The following DPP10 variants were observed in gnomAD, a reference collection of about 807,000 sequenced individuals.
DPP10 encodes the protein dipeptidyl peptidase like 10, also known as inactive dipeptidyl peptidase 10.
Under a neutral mutation model 120.9 loss-of-function variants are expected in DPP10, and 33 were observed. That is an observed-to-expected ratio of 0.27 (90% CI 0.21 to 0.37). The LOEUF (loss-of-function observed/expected upper bound fraction) is 0.37, where lower values mean the gene tolerates loss of function less well. Ranked by LOEUF, DPP10 falls within the 10% of genes least tolerant of loss-of-function variation. The pLI, the probability that DPP10 is intolerant of heterozygous loss-of-function variation, is 1.00. For missense variants in DPP10, 816 were observed against 942.8 expected, an observed-to-expected ratio of 0.87 and a Z score of 1.76; for synonymous variants, 337 against 326.1, an observed-to-expected ratio of 1.03 and a Z score of -0.36.
At chr2:115,825,466 T>C (rs1026570727) in intron 21 of DPP10, among the ~76,000 whole-genome samples, 2 of 152,218 alleles carry the variant, frequency 1.3e-5, no homozygotes, top group Admixed American at 6.5e-5. Flanking sequence ...AGTCAGACTG[T>C]ATGCTTTGTC....
At chr2:115,422,072 C>T (rs908614565) in intron 3 of DPP10, among the ~76,000 whole-genome samples, 9 of 151,942 alleles carry the variant, frequency 5.9e-5, no homozygotes, top group Admixed American at 1.3e-4. Context: ...GACTGCTCCA[C>T]GGCAAGCCAC....
chr2:115,203,029 G>T (rs2105306960), intron 1 of DPP10, among the ~76,000 whole-genome samples: 1 of 152,276 alleles, frequency 6.6e-6, no homozygotes, highest in South Asian at 2.1e-4. Flanking sequence ...AGGCATAAAG[G>T]AAATTTCAAT....
chr2:114,932,764 C>G lies in DPP10; in HGVS notation c.61-376475C>G, dbSNP rs143536467. On this transcript the variant is annotated intron_variant, in intron 1 of 25. Transcript: ENST00000410059. ...GTGTATTTAGATGTATACATTTATACATGTGTTCATTTAAGATTAATACAC... is the reference window on the plus strand; with the variant it reads ...GTGTATTTAGATGTATACATTTATAGATGTGTTCATTTAAGATTAATACAC... Among the ~76,000 whole-genome samples the G allele has an allele frequency of 5.5e-3, 830 of 152,240 alleles. 4 individuals are homozygous for G. The highest frequency in any genetic ancestry group is 0.019 in the African/African-American group (777 of 41,544).
At chr2:114,601,793 T>G (rs1692388470) in intron 1 of DPP10, among the ~76,000 whole-genome samples, 1 of 152,088 alleles carries the variant, frequency 6.6e-6, no homozygotes, top group Non-Finnish European at 1.5e-5. Flanking sequence ...GAAGTCATGT[T>G]GATTCTAATG....
At chr2:115,696,649 G>T (rs2091606167) in intron 7 of DPP10, among the ~76,000 whole-genome samples, 1 of 152,160 alleles carries the variant, frequency 6.6e-6, no homozygotes, top group Non-Finnish European at 1.5e-5. Context: ...ACTAGGCAGT[G>T]ATTTGAAGCC....
intron 1 of DPP10, among the ~76,000 whole-genome samples, chr2:114,465,410 A>G (rs1233174076): frequency 6.6e-6 from 1 of 152,110 alleles, no homozygotes; most frequent in Non-Finnish European, 1.5e-5. Context: ...ATGCATTTCT[A>G]TGCCTTTTCG....
chr2:115,593,487 T>A (rs1018040532), intron 5 of DPP10, among the ~76,000 whole-genome samples: 5 of 152,198 alleles, frequency 3.3e-5, no homozygotes, highest in Non-Finnish European at 4.4e-5. Flanking sequence ...GACGTTTAAG[T>A]TGTCTAGCTT....
chr2:115,404,579 C>T (rs1233797831), intron 3 of DPP10, among the ~76,000 whole-genome samples: 1 of 152,110 alleles, frequency 6.6e-6, no homozygotes, highest in Non-Finnish European at 1.5e-5. Context: ...TACCTGTCTT[C>T]ATCTGTTCTG....
chr2:115,608,198 G>A (rs567491492), intron 5 of DPP10, among the ~76,000 whole-genome samples: 2 of 151,984 alleles, frequency 1.3e-5, no homozygotes, highest in African/African-American at 2.4e-5. Flanking sequence ...GAGCAGTCTG[G>A]CCAACATGGT....
At chr2:115,381,591 G>C (rs1046385119) in intron 3 of DPP10, among the ~76,000 whole-genome samples, 11 of 152,176 alleles carry the variant, frequency 7.2e-5, no homozygotes, top group African/African-American at 2.4e-4. Context: ...TTCCATTGCT[G>C]GTGAGGAACT....
intron 1 of DPP10, among the ~76,000 whole-genome samples, chr2:114,594,470 G>A (rs1265847340): frequency 1.4e-5 from 2 of 147,154 alleles, no homozygotes; most frequent in Non-Finnish European, 3.0e-5. Flanking sequence ...ATGTAAAAGG[G>A]AGTTTATTAT....
intron 12 of DPP10, among the ~76,000 whole-genome samples, chr2:115,766,552 TACAA>T (rs1680789739): frequency 6.6e-6 from 1 of 151,906 alleles, no homozygotes; most frequent in South Asian, 2.1e-4. Flanking sequence ...TACATTCATA[TACAA>T]ACAAACGCAT....
chr2:115,206,627 C>T (rs1204072489), intron 1 of DPP10, among the ~76,000 whole-genome samples: 1 of 152,026 alleles, frequency 6.6e-6, no homozygotes, highest in Non-Finnish European at 1.5e-5. Context: ...AAATGAGTAA[C>T]ATGGAAAATT....
intron 1 of DPP10, among the ~76,000 whole-genome samples, chr2:114,787,775 ATCT>A (rs1682887053): frequency 6.6e-6 from 1 of 152,170 alleles, no homozygotes; most frequent in Non-Finnish European, 1.5e-5. Context: ...CTTTGCTGTG[ATCT>A]TCTTTTAGTG....
intron 1 of DPP10, among the ~76,000 whole-genome samples, chr2:115,190,354 A>G (rs931825847): frequency 6.6e-6 from 1 of 151,886 alleles, no homozygotes; most frequent in Non-Finnish European, 1.5e-5. Context: ...TTTTTTTTTA[A>G]TCATGTTGAC....
chr2:114,623,722 A>G (rs1015219612), intron 1 of DPP10, among the ~76,000 whole-genome samples: 2 of 152,154 alleles, frequency 1.3e-5, no homozygotes, highest in Admixed American at 1.3e-4. Context: ...GTATAAATCT[A>G]TTCAAACAGA....
At chr2:115,421,301 T>A (rs1243231381) in intron 3 of DPP10, among the ~76,000 whole-genome samples, 3 of 152,172 alleles carry the variant, frequency 2.0e-5, no homozygotes, top group Non-Finnish European at 1.5e-5. Flanking sequence ...TCAGCTGCCA[T>A]GTTCAGTGGT....
At chr2:115,255,951 A>T (rs892410770) in intron 1 of DPP10, among the ~76,000 whole-genome samples, 2 of 152,054 alleles carry the variant, frequency 1.3e-5, no homozygotes, top group African/African-American at 4.8e-5. Flanking sequence ...AACCGTTTTG[A>T]CCTTTGCCTG....
intron 1 of DPP10, among the ~76,000 whole-genome samples, chr2:114,933,160 G>T (rs1696207363): frequency 6.6e-6 from 1 of 152,160 alleles, no homozygotes; most frequent in African/African-American, 2.4e-5. Context: ...AAATGGTGTT[G>T]CTCTTAGGGA....
Sources: allele counts gnomAD v4.1 joint callset (sites outside exome capture counted in the v4.1 genomes callset), GRCh38; gene constraint gnomAD v4.1.1; transcripts MANE v1.5; gene names NCBI Gene and HGNC (gene_info 2026-07-23, HGNC 2026-07-21).